PPP6R1: variants seen among roughly 807,000 people sequenced by gnomAD.
The protein encoded by PPP6R1 is serine/threonine-protein phosphatase 6 regulatory subunit 1.
Under a neutral mutation model 104.6 loss-of-function variants are expected in PPP6R1, and 39 were observed. That is an observed-to-expected ratio of 0.37 (90% confidence interval 0.29 to 0.49). The LOEUF is 0.49. Ranked by LOEUF, PPP6R1 falls within the 20% of genes least tolerant of loss-of-function variation. The pLI, the probability that PPP6R1 is intolerant of heterozygous loss-of-function variation, is 0.98. For synonymous variants in PPP6R1, 549 were observed against 479.0 expected, an observed-to-expected ratio of 1.15 and a Z score of -1.91; for missense variants, 1,181 against 1,155.8, an observed-to-expected ratio of 1.02 and a Z score of -0.32.
At position 55,242,286 on chromosome 19, in the gene PPP6R1, G is replaced by C. The variant is rs755343609; in HGVS notation, c.732-7C>G. 13 of 1,612,876 alleles carry C rather than the reference G, an allele frequency of 8.1e-6. No homozygotes were observed. The African/African-American group carries it at 1.5e-4, about 18-fold the overall frequency. ...CTGCTCAATCGTCTCCTGCCTGCGG[G>C]GGCAGGGGCAGGGGTCAGGGTGAGG... On this transcript the variant is annotated splice_region_variant and splice_polypyrimidine_tract_variant and intron_variant, in intron 6 of 23. Transcript: ENST00000412770.
At chr19:55,253,682 T>C (rs1444977529) in intron 1 of PPP6R1, among the ~76,000 whole-genome samples, 1 of 152,124 alleles carries the variant, frequency 6.6e-6, no homozygotes, top group African/African-American at 2.4e-5. Flanking sequence ...CTAAACAGAA[T>C]GAAGATGCAA....
chr19:55,233,724 A>C (rs2087370131), intron 17 of PPP6R1, among the ~76,000 whole-genome samples: 1 of 152,244 alleles, frequency 6.6e-6, no homozygotes, highest in Admixed American at 6.5e-5. Context: ...TAAACTTAAA[A>C]GAAATACAAA....
At chr19:55,256,086 A>T (rs1335409997) in intron 1 of PPP6R1, among the ~76,000 whole-genome samples, 1 of 152,252 alleles carries the variant, frequency 6.6e-6, no homozygotes, top group Non-Finnish European at 1.5e-5. Flanking sequence ...CACAAAAGAA[A>T]AAAAATGGGC....
chr19:55,240,626 T>C (rs568305439), intron 10 of PPP6R1, among the ~76,000 whole-genome samples: 32 of 134,942 alleles, frequency 2.4e-4, no homozygotes, highest in Middle Eastern at 7.7e-3. Flanking sequence ...CTCACACACA[T>C]ACATGCTCTC....
At chr19:55,254,032 T>C (rs2087574058) in intron 1 of PPP6R1, among the ~76,000 whole-genome samples, 1 of 152,234 alleles carries the variant, frequency 6.6e-6, no homozygotes, top group Non-Finnish European at 1.5e-5. Context: ...CACGTCCAGA[T>C]GCTTTCTGGC....
Position 55,232,000 on chromosome 19 carries a change from G to C in PPP6R1, c.2126-18C>G, listed in dbSNP as rs1240310678. 6.2e-7 allele frequency: 1 copy of C among 1,604,832 alleles called. No individual in the cohort carries two copies. Among genetic ancestry groups the C allele is most frequent in the South Asian group, 1.1e-5 (1 of 90,242 alleles). ...GCTGGGGCCTGGGATAGAGGTGGGG[G>C]AGCGGGATGGAGGGTGAACTCAGTA... On this transcript the variant is annotated intron_variant, in intron 18 of 23. Transcript: ENST00000412770.
chr19:55,238,541 C>T (rs1232991154), intron 15 of PPP6R1, among the ~76,000 whole-genome samples: 1 of 152,184 alleles, frequency 6.6e-6, no homozygotes, highest in East Asian at 1.9e-4. Context: ...GTTGCCCAGG[C>T]TGGAGTGCAG....
chr19:55,244,302 G>A (rs2087486589), intron 5 of PPP6R1, among the ~76,000 whole-genome samples: 2 of 152,242 alleles, frequency 1.3e-5, no homozygotes, highest in Admixed American at 1.3e-4. Context: ...TGAGGCTCTT[G>A]ACAAACACCC....
At chr19:55,237,635 T>C (rs1002624939) in intron 15 of PPP6R1, among the ~76,000 whole-genome samples, 2 of 152,194 alleles carry the variant, frequency 1.3e-5, no homozygotes, top group Admixed American at 1.3e-4. Flanking sequence ...AGTTAATTCT[T>C]AAAGGACACT....
intron 7 of PPP6R1, 96 bp downstream of exon 7, chr19:55,242,070 G>T (rs2087463337): frequency 1.7e-6 from 2 of 1,186,382 alleles, no homozygotes; most frequent in African/African-American, 1.5e-5. Flanking sequence ...GCCACGGGCG[G>T]GGATTTCTCT....
At chr19:55,229,634 G>A (rs1215570430), downstream of PPP6R1, 1 of 152,274 alleles carries the variant, frequency 6.6e-6, no homozygotes, top group Non-Finnish European at 1.5e-5. Context: ...GCCTGGCCCA[G>A]CCTGGGGCCT....
rs370171031 is a variant in PPP6R1, at chr19:55,245,709, C to A, written c.228-31G>T. On this transcript the variant is annotated intron_variant, in intron 2 of 23. Transcript: ENST00000412770. This position sits in a 1 kb window ranked among gnomAD's most constrained non-coding sequence, Gnocchi z 6.4. ...AGGCAAGCACAGGCGGGTGGGGGCT[C>A]GGGTCGGAGGCCGGGGGCAGGGGGC... 623 of 1,004,958 alleles carry A rather than the reference C, an allele frequency of 6.2e-4. 2 individuals are homozygous for A. Among genetic ancestry groups the A allele is most frequent in the Non-Finnish European group, 1.3e-4 (87 of 686,522 alleles). 62.3% of individuals were successfully genotyped at this position (1,004,958 alleles called of 1,614,324 possible). A position where few individuals can be genotyped will look rare whatever the true frequency, so the allele number is the denominator to read the frequency against.
intron 10 of PPP6R1, among the ~76,000 whole-genome samples, chr19:55,240,562 T>G (rs1161947978): frequency 7.0e-6 from 1 of 142,958 alleles, no homozygotes; most frequent in African/African-American, 2.6e-5. Flanking sequence ...CACACATGCA[T>G]GCACTAACGG....
In PPP6R1 at chr19:55,240,005, G is replaced by C; in HGVS notation, c.1471C>G (p.Leu491Val). The C allele has an allele frequency of 6.2e-7, 1 of 1,602,058 alleles. No individual in the cohort carries two copies. The highest frequency in any genetic ancestry group is 8.5e-7 in the Non-Finnish European group (1 of 1,175,262). The part of the protein sequence containing the change: ...GPNAEQLRQL[L>V]KELPSEQQEQ... Reference sequence around the variant, plus strand: ...CCGGCCTGGGGACCCTCACCCTTCAGCAGCTGCCGCAGCTGCTCTGCATTG... The same window carrying C: ...CCGGCCTGGGGACCCTCACCCTTCACCAGCTGCCGCAGCTGCTCTGCATTG... The change falls in exon 12 of 24, where the codon CTG (leucine) becomes GTG (valine). Residue 491 changes from leucine to valine, a missense_variant. Leu to Val is a conservative substitution (Grantham distance 32). This residue lies in a region of PPP6R1 where 1,042 missense variants were observed against 955.6 expected (regional missense o/e 1.09). Transcript: ENST00000412770.
In PPP6R1 at chr19:55,231,994, G is replaced by A. The variant is rs753256514; in HGVS notation, c.2126-12C>T. ...TGTCCAGCTGGGGCCTGGGATAGAG[G>A]TGGGGGAGCGGGATGGAGGGTGAAC... On this transcript the variant is annotated splice_polypyrimidine_tract_variant and intron_variant, in intron 18 of 23. Coordinates refer to ENST00000412770, the MANE Select transcript of PPP6R1 (RefSeq NM_014931.4). The A allele has an allele frequency of 1.2e-6, 2 of 1,604,958 alleles. No individual in the cohort carries two copies. Among genetic ancestry groups the A allele is most frequent in the South Asian group, 2.2e-5 (2 of 90,356 alleles).
chr19:55,243,285 C>T (rs60977738), intron 5 of PPP6R1, among the ~76,000 whole-genome samples: 2,367 of 151,662 alleles, frequency 0.016, 40 homozygotes, highest in African/African-American at 0.039. Context: ...CAGTGGTAGG[C>T]GCCTGTAGTC....
chr19:55,245,304 G>T lies in PPP6R1; in HGVS notation c.513C>A (p.Thr171=). The T allele has an allele frequency of 6.2e-7, 1 of 1,605,554 alleles. No homozygotes were observed. The highest frequency in any genetic ancestry group is 1.1e-5 in the South Asian group (1 of 89,822). ...AIMDLLLRLL[T]CVERPQLRQD... is the part of the protein sequence containing the mutation. Reference sequence around the variant, plus strand: ...GCCTCAGCTGAGGCCGCTCCACACAGGTGAGCAGGCGCAGCAGGAGGTCCA... The same window carrying T: ...GCCTCAGCTGAGGCCGCTCCACACATGTGAGCAGGCGCAGCAGGAGGTCCA... The change falls in exon 4 of 24, where the codon ACC becomes ACA. Residue 171 remains threonine, a synonymous_variant. Coordinates refer to ENST00000412770, the MANE Select transcript of PPP6R1 (RefSeq NM_014931.4). This position sits in a 1 kb window ranked among gnomAD's most constrained non-coding sequence, Gnocchi z 6.4.
At position 55,247,017 on chromosome 19, in the gene PPP6R1, G is replaced by A. The variant is rs778102126; in HGVS notation, c.87C>T (p.Asp29=). 6.2e-6 allele frequency: 10 copies of A among 1,613,856 alleles called. No individual in the cohort carries two copies. The highest frequency in any genetic ancestry group is 2.2e-5 in the East Asian group (1 of 44,880). Residue 29 remains aspartate, a synonymous_variant, in exon 2 of 24, where the codon GAC becomes GAT. Coordinates refer to ENST00000412770, the MANE Select transcript of PPP6R1 (RefSeq NM_014931.4). The part of the protein sequence containing the change: ...REDLSLPELL[D]EEDVLQECKV... ...TGCACTCCTGCAGCACGTCTTCCTC[G>A]TCCAGCAGCTCGGGCAGGCTCAGGT...
Position 55,245,037 on chromosome 19 carries a change from C to T in PPP6R1, c.618+83G>A, listed in dbSNP as rs1341859520. The T allele has an allele frequency of 1.3e-6, 2 of 1,551,862 alleles. No homozygotes were observed. The highest frequency in any genetic ancestry group is 1.2e-5 in the South Asian group (1 of 85,024). On this transcript the variant is annotated intron_variant, in intron 5 of 23. Coordinates refer to ENST00000412770, the MANE Select transcript of PPP6R1 (RefSeq NM_014931.4). The surrounding 1 kb of genome is among the most constrained non-coding windows in gnomAD (Gnocchi z 6.4). ...ACAGGCGTGAGCCACTGCGTCCAGC[C>T]CCAATTCCTCTTTTAAAAGTGGGGA...
Sources: gnomAD v4.1 joint callset for allele counts (sites outside exome capture counted in the v4.1 genomes callset) on GRCh38, gnomAD v4.1.1 for gene constraint, gnomAD v4.1.1 regional missense constraint, Gnocchi (gnomAD v3.1) non-coding constraint, MANE v1.5 for transcripts, NCBI Gene and HGNC (gene_info 2026-07-23, HGNC 2026-07-21) for gene names.